The following MGAT5 variants were observed in gnomAD, a reference collection of about 807,000 sequenced individuals.
The protein encoded by MGAT5 is alpha-1,6-mannosylglycoprotein 6-beta-N-acetylglucosaminyltransferase A.
A neutral mutation model predicts 94.3 loss-of-function variants in MGAT5; 30 were observed. That is an observed-to-expected ratio of 0.32 (90% CI 0.24 to 0.43). The LOEUF (loss-of-function observed/expected upper bound fraction) is 0.43. Ranked by LOEUF, MGAT5 falls within the 20% of genes least tolerant of loss-of-function variation. The pLI, the probability that MGAT5 is intolerant of heterozygous loss-of-function variation, is 1.00. For missense variants in MGAT5, 691 were observed against 905.5 expected (o/e 0.76, Z 3.04); for synonymous variants, 310 against 322.9 (o/e 0.96, Z 0.43).
At chr2:134,157,618 T>C (rs1394439115) in intron 1 of MGAT5, among the ~76,000 whole-genome samples, 2 of 152,110 alleles carry the variant, frequency 1.3e-5, no homozygotes, top group Non-Finnish European at 2.9e-5. Context: ...ATGATTCAAG[T>C]ACGTTACATC....
Position 134,336,359 on chromosome 2 carries a change from CT to C in MGAT5, c.645+73del, listed in dbSNP as rs1357686275. On this transcript the variant is annotated intron_variant, in intron 5 of 15. Transcript: ENST00000281923. ...AGATGCCAAGTGATACATGTGGAAT[CT>C]TCTAGAAATGCCAACTATAACCTGA... 1.8e-5 allele frequency: 24 copies of C among 1,297,358 alleles called. No homozygotes were observed. In the African/African-American group the frequency reaches 3.4e-4, roughly 18 times the overall value. The allele number at this position is 1,297,358 out of a possible 1,614,324, so 80.4% of individuals were successfully genotyped here. A position where few individuals can be genotyped will look rare whatever the true frequency, so the allele number is the denominator to read the frequency against.
At chr2:134,219,919 C>T (rs2105347937) in intron 1 of MGAT5, among the ~76,000 whole-genome samples, 1 of 152,210 alleles carries the variant, frequency 6.6e-6, no homozygotes, top group Non-Finnish European at 1.5e-5. Flanking sequence ...TACTCCCTTA[C>T]TTGGTTGAGT....
chr2:134,287,285 A>G (rs914593816), intron 2 of MGAT5, among the ~76,000 whole-genome samples: 2 of 152,184 alleles, frequency 1.3e-5, no homozygotes, highest in Admixed American at 6.5e-5. Context: ...AAGGTCTTTT[A>G]AAAAACAAAA....
At chr2:134,303,844 G>A (rs541505832) in intron 2 of MGAT5, among the ~76,000 whole-genome samples, 14 of 152,288 alleles carry the variant, frequency 9.2e-5, no homozygotes, top group African/African-American at 2.9e-4. Context: ...TCAAGCCAGT[G>A]AGACTGTAGC....
Position 134,284,218 on chromosome 2 carries a change from G to A in MGAT5, c.406+13668G>A, listed in dbSNP as rs1573700753. Among the ~76,000 whole-genome samples, 6 of 152,154 alleles carry A rather than the reference G, an allele frequency of 3.9e-5. No individual in the cohort carries two copies. The South Asian group carries it at 1.2e-3, about 31-fold the overall frequency. ...AACAGTTCTAGTGCTGGAACTTTTA[G>A]CTGCCATACTGTTGAACTTTAGTGG... On this transcript the variant is annotated intron_variant, in intron 2 of 15. Transcript: ENST00000281923.
At chr2:134,122,453 G>GT (rs1685657954) in intron 1 of MGAT5, among the ~76,000 whole-genome samples, 1 of 152,170 alleles carries the variant, frequency 6.6e-6, no homozygotes, top group African/African-American at 2.4e-5. Flanking sequence ...TTCCAGTTTA[G>GT]TTTTTTTCTC....
intron 1 of MGAT5, among the ~76,000 whole-genome samples, chr2:134,205,940 G>C (rs1204687608): frequency 6.6e-6 from 1 of 152,208 alleles, no homozygotes; most frequent in Non-Finnish European, 1.5e-5. Context: ...CCAAGAGATA[G>C]AATAGTGATT....
At chr2:134,381,953 CT>C in intron 10 of MGAT5, among the ~76,000 whole-genome samples, 1 of 152,216 alleles carries the variant, frequency 6.6e-6, no homozygotes, top group Middle Eastern at 3.4e-3. Flanking sequence ...AATTATTTTT[CT>C]AATAGAGCCT....
intron 1 of MGAT5, among the ~76,000 whole-genome samples, chr2:134,131,855 A>G (rs915544479): frequency 6.6e-6 from 1 of 152,154 alleles, no homozygotes; most frequent in Non-Finnish European, 1.5e-5. Flanking sequence ...CGCCACCTCC[A>G]TGAGATCGTG....
At chr2:134,405,433 T>C (rs879878614) in intron 11 of MGAT5, among the ~76,000 whole-genome samples, 13 of 152,124 alleles carry the variant, frequency 8.5e-5, no homozygotes, top group Non-Finnish European at 1.9e-4. Flanking sequence ...TTGCTGAGAC[T>C]CCCCTCACAC....
intron 6 of MGAT5, among the ~76,000 whole-genome samples, chr2:134,339,610 A>G (rs1688519429): frequency 6.6e-6 from 1 of 152,184 alleles, no homozygotes; most frequent in Non-Finnish European, 1.5e-5. Flanking sequence ...AAATGGTCCA[A>G]TTATTAAGGG....
rs1322954701 is a variant in MGAT5 at position 134,120,575 on chromosome 2, C to T, written c.-143+284C>T. Among the ~76,000 whole-genome samples, 4 of 152,050 alleles carry T rather than the reference C, an allele frequency of 2.6e-5. No homozygotes were observed. In the East Asian group the frequency reaches 7.8e-4, roughly 30 times the overall value. ...CCTCCCAGGGGAGGCTGAACCCCCCCCGCCCCGTGACGAGGGGGCTTGTTG... is the reference window on the plus strand; with the variant it reads ...CCTCCCAGGGGAGGCTGAACCCCCCTCGCCCCGTGACGAGGGGGCTTGTTG... On this transcript the variant is annotated intron_variant, in intron 1 of 16. Coordinates refer to the MGAT5 transcript ENST00000409645.
intron 12 of MGAT5, among the ~76,000 whole-genome samples, chr2:134,414,997 T>G (rs1483942219): frequency 1.3e-5 from 2 of 152,196 alleles, no homozygotes; most frequent in African/African-American, 2.4e-5. Context: ...ATACACATAA[T>G]TTGTTTATCT....
chr2:134,283,983 G>A, intron 2 of MGAT5, among the ~76,000 whole-genome samples: 1 of 152,110 alleles, frequency 6.6e-6, no homozygotes, highest in South Asian at 2.1e-4. Flanking sequence ...GAAATGTAGG[G>A]TCAGGGCTCA....
At chr2:134,317,218 G>C (rs933551059) in intron 2 of MGAT5, among the ~76,000 whole-genome samples, 1 of 152,116 alleles carries the variant, frequency 6.6e-6, no homozygotes, top group Non-Finnish European at 1.5e-5. Flanking sequence ...CTCCCTGCTT[G>C]TTTGGTTTCT....
intron 1 of MGAT5, among the ~76,000 whole-genome samples, chr2:134,153,427 G>C (rs1160370897): frequency 1.3e-5 from 2 of 152,122 alleles, no homozygotes; most frequent in East Asian, 1.9e-4. Context: ...TTTAATCCCT[G>C]TACCTCAGGC....
intron 1 of MGAT5, among the ~76,000 whole-genome samples, chr2:134,166,012 C>T (rs1243736804): frequency 6.6e-6 from 1 of 152,176 alleles, no homozygotes; most frequent in East Asian, 1.9e-4. Context: ...AGTGTCTCGG[C>T]ACATAGCAGG....
chr2:134,245,613 T>C (rs1291252689), intron 1 of MGAT5, among the ~76,000 whole-genome samples: 1 of 152,214 alleles, frequency 6.6e-6, no homozygotes, highest in Non-Finnish European at 1.5e-5. Context: ...CTTCCTCCTC[T>C]GCTTCTCCTT....
chr2:134,370,922 G>A (rs998563483), intron 10 of MGAT5, among the ~76,000 whole-genome samples: 2 of 152,208 alleles, frequency 1.3e-5, no homozygotes, highest in Admixed American at 6.5e-5. Context: ...AAGCGTGTCA[G>A]TGTTTGCTAA....
Sources: allele counts gnomAD v4.1 joint callset (sites outside exome capture counted in the v4.1 genomes callset), GRCh38; gene constraint gnomAD v4.1.1; transcripts MANE v1.5; gene names NCBI Gene and HGNC (gene_info 2026-07-23, HGNC 2026-07-21).